Variants in NCKAP5 observed in about 807,000 individuals in gnomAD.
NCKAP5 encodes the protein NCK associated protein 5.
In NCKAP5, 92 loss-of-function variants were observed where a neutral mutation model predicts 167.0. The observed-to-expected ratio is 0.55, with a 90% CI of 0.47 to 0.66. The LOEUF (loss-of-function observed/expected upper bound fraction) is 0.66, where lower values mean the gene tolerates loss of function less well. NCKAP5 is among the 30% of genes least tolerant of loss of function. The pLI is 0.00. For missense variants in NCKAP5, 2,378 were observed against 2,315.0 expected (o/e 1.03, Z -0.56); for synonymous variants, 891 against 877.4 (o/e 1.02, Z -0.27).
At chr2:132,935,730 C>G (rs1008649822) in intron 8 of NCKAP5, among the ~76,000 whole-genome samples, 1 of 152,140 alleles carries the variant, frequency 6.6e-6, no homozygotes, top group Non-Finnish European at 1.5e-5. Flanking sequence ...TTGTTACCAT[C>G]ATCTGGGCCA....
the NCKAP5 span, among the ~76,000 whole-genome samples, chr2:133,668,565 C>T: frequency 6.6e-6 from 1 of 151,882 alleles, no homozygotes; most frequent in Non-Finnish European, 1.5e-5. Context: ...TTTATGTATA[C>T]TAGCCATTCG....
At chr2:132,754,577 C>T (rs1680379301) in intron 16 of NCKAP5, among the ~76,000 whole-genome samples, 1 of 152,208 alleles carries the variant, frequency 6.6e-6, no homozygotes, top group African/African-American at 2.4e-5. Flanking sequence ...AAATCACTCC[C>T]TGAAGAAGTA....
chr2:133,648,344 C>T, the NCKAP5 span, among the ~76,000 whole-genome samples: 1 of 151,880 alleles, frequency 6.6e-6, no homozygotes, highest in African/African-American at 2.4e-5. Context: ...CAATAATCAA[C>T]AAAACTTCCA....
chr2:133,054,936 C>T (rs1244020853), intron 6 of NCKAP5, among the ~76,000 whole-genome samples: 3 of 152,190 alleles, frequency 2.0e-5, no homozygotes, highest in Non-Finnish European at 2.9e-5. Context: ...GGCTACAAAA[C>T]AGCCTAGCAA....
intron 3 of NCKAP5, among the ~76,000 whole-genome samples, chr2:133,343,359 TTAG>T (rs1683726169): frequency 6.6e-6 from 1 of 151,858 alleles, no homozygotes; most frequent in Non-Finnish European, 1.5e-5. Flanking sequence ...AAGAAACATG[TTAG>T]TAGCAAAAAA....
intron 3 of NCKAP5, among the ~76,000 whole-genome samples, chr2:133,382,991 T>A (rs970552726): frequency 6.6e-6 from 1 of 152,154 alleles, no homozygotes; most frequent in African/African-American, 2.4e-5. Flanking sequence ...CATAAGCCAC[T>A]GATTATGCTT....
At chr2:132,915,248 C>T (rs1453882991) in intron 8 of NCKAP5, among the ~76,000 whole-genome samples, 1 of 151,910 alleles carries the variant, frequency 6.6e-6, no homozygotes, top group Non-Finnish European at 1.5e-5. Flanking sequence ...TGAACAGTGG[C>T]ATACTGTGCA....
chr2:132,880,658 A>T (rs1483214430), intron 8 of NCKAP5, among the ~76,000 whole-genome samples: 1 of 152,078 alleles, frequency 6.6e-6, no homozygotes, highest in African/African-American at 2.4e-5. Flanking sequence ...GAAATGATAA[A>T]TACTCAAGCT....
chr2:133,052,386 T>C (rs1253585976), intron 6 of NCKAP5, among the ~76,000 whole-genome samples: 1 of 152,172 alleles, frequency 6.6e-6, no homozygotes, highest in Admixed American at 6.5e-5. Context: ...GAGAAGTATA[T>C]TAAGGTGGAG....
the NCKAP5 span, among the ~76,000 whole-genome samples, chr2:133,650,834 A>T: frequency 6.6e-6 from 1 of 152,204 alleles, no homozygotes; most frequent in African/African-American, 2.4e-5. Flanking sequence ...GTGCGCTGAG[A>T]TTGCACCACT....
the NCKAP5 span, among the ~76,000 whole-genome samples, chr2:133,584,483 G>A: frequency 6.6e-6 from 1 of 152,124 alleles, no homozygotes; most frequent in Non-Finnish European, 1.5e-5. Flanking sequence ...ATGAGGGCAG[G>A]GCCAGGTGCA....
intron 6 of NCKAP5, among the ~76,000 whole-genome samples, chr2:133,052,308 C>T (rs1293062541): frequency 1.3e-5 from 2 of 152,184 alleles, no homozygotes; most frequent in African/African-American, 2.4e-5. Flanking sequence ...GCTACCAAGA[C>T]ATTCTGACAC....
At chr2:133,442,415 A>C (rs1197560854) in intron 3 of NCKAP5, among the ~76,000 whole-genome samples, 1 of 152,134 alleles carries the variant, frequency 6.6e-6, no homozygotes, top group Non-Finnish European at 1.5e-5. Context: ...TAGCTGTTGA[A>C]GCTGCCTAAC....
At chr2:132,726,005 C>T (rs1232587901) in intron 18 of NCKAP5, among the ~76,000 whole-genome samples, 2 of 152,132 alleles carry the variant, frequency 1.3e-5, no homozygotes, top group Admixed American at 6.5e-5. Flanking sequence ...ATGAAGCTGT[C>T]GACGGCACTC....
intron 6 of NCKAP5, among the ~76,000 whole-genome samples, chr2:133,094,704 A>G (rs986333237): frequency 2.6e-5 from 4 of 152,216 alleles, no homozygotes; most frequent in Non-Finnish European, 5.9e-5. Flanking sequence ...AAGGTTACTA[A>G]TAAGTTGACT....
intron 1 of NCKAP5, among the ~76,000 whole-genome samples, chr2:133,560,693 T>G (rs1181537410): frequency 2.0e-5 from 3 of 152,102 alleles, no homozygotes; most frequent in Non-Finnish European, 4.4e-5. Context: ...GTGGGTGTGA[T>G]GGAGAACATG....
intron 19 of NCKAP5, among the ~76,000 whole-genome samples, chr2:132,676,024 G>A (rs948074211): frequency 7.9e-5 from 12 of 152,168 alleles, no homozygotes; most frequent in Non-Finnish European, 2.9e-5. Context: ...AGTGGTGAGG[G>A]CTGCAGTCAG....
chr2:133,510,572 A>C (rs1683405204), intron 3 of NCKAP5, among the ~76,000 whole-genome samples: 1 of 152,224 alleles, frequency 6.6e-6, no homozygotes, highest in Admixed American at 6.5e-5. Flanking sequence ...TGCTGAAACC[A>C]AGTCTGGCTT....
the NCKAP5 span, among the ~76,000 whole-genome samples, chr2:133,659,599 C>A: frequency 1.3e-5 from 2 of 152,082 alleles, no homozygotes; most frequent in Non-Finnish European, 2.9e-5. Context: ...AATCGCATAT[C>A]TGAAAAGGGC....
Sources: allele counts gnomAD v4.1 joint callset (sites outside exome capture counted in the v4.1 genomes callset), GRCh38; gene constraint gnomAD v4.1.1; transcripts MANE v1.5; gene names NCBI Gene and HGNC (gene_info 2026-07-23, HGNC 2026-07-21).